OPCML: variants seen among roughly 807,000 people sequenced by gnomAD.
OPCML encodes the protein opioid-binding protein/cell adhesion molecule.
OPCML carries 13 observed loss-of-function variants against 37.8 expected under a neutral mutation model. The ratio of observed to expected loss-of-function variants is 0.34; its 90% CI spans 0.22 to 0.55. The LOEUF (loss-of-function observed/expected upper bound fraction) is 0.55, where lower values mean the gene tolerates loss of function less well. Among genes scored for constraint, OPCML ranks in the 20% least tolerant of loss-of-function variants. The pLI is 0.91. For synonymous variants in OPCML, 176 were observed against 168.8 expected (o/e 1.04, Z -0.33); for missense variants, 341 against 435.6 (o/e 0.78, Z 1.93).
At chr11:133,031,461 G>A (rs1205771623) in intron 1 of OPCML, among the ~76,000 whole-genome samples, 1 of 148,728 alleles carries the variant, frequency 6.7e-6, no homozygotes, top group African/African-American at 2.5e-5. Context: ...ATGGATGGAT[G>A]GTTGGTTGGA....
chr11:133,072,513 A>G (rs1948554577), intron 1 of OPCML, among the ~76,000 whole-genome samples: 1 of 152,230 alleles, frequency 6.6e-6, no homozygotes, highest in Non-Finnish European at 1.5e-5. Flanking sequence ...GTGGGATAAC[A>G]CCCAAAGGGA....
rs1267921155 is a variant in OPCML at position 132,688,904 on chromosome 11, T to C, written c.147-31585A>G. Among the ~76,000 whole-genome samples the C allele has an allele frequency of 1.0e-4, 3 of 29,570 alleles. 1 individual carries two copies. The highest frequency in any genetic ancestry group is 1.9e-4 in the Non-Finnish European group (3 of 16,154). 19.4% of individuals were successfully genotyped at this position (29,570 alleles called of 152,430 possible). A position where few individuals can be genotyped will look rare whatever the true frequency, so the allele number is the denominator to read the frequency against. On this transcript the variant is annotated intron_variant, in intron 2 of 7. Transcript: ENST00000524381. ...AGCGGAGCTTGCAGTGAGCCGAGAT[T>C]GCGCCACTGCAGTCCGCAGTCCGGC...
At chr11:133,391,543 T>A (rs944271680) in intron 1 of OPCML, among the ~76,000 whole-genome samples, 1 of 152,148 alleles carries the variant, frequency 6.6e-6, no homozygotes, top group Non-Finnish European at 1.5e-5. Flanking sequence ...TTAGCTCTCA[T>A]CCGCTGAGCG....
intron 1 of OPCML, among the ~76,000 whole-genome samples, chr11:132,995,811 A>G (rs1262377843): frequency 3.3e-5 from 5 of 152,162 alleles, no homozygotes; most frequent in Admixed American, 6.5e-5. Context: ...AACCCCAGAG[A>G]AAGTATCAGC....
chr11:132,462,048 T>C (rs947109722), intron 4 of OPCML, among the ~76,000 whole-genome samples: 2 of 152,208 alleles, frequency 1.3e-5, no homozygotes, highest in African/African-American at 4.8e-5. Flanking sequence ...GGTGACAATG[T>C]ACTACTTGCA....
chr11:133,165,695 C>T (rs879313927), intron 1 of OPCML, among the ~76,000 whole-genome samples: 1 of 152,154 alleles, frequency 6.6e-6, no homozygotes, highest in Non-Finnish European at 1.5e-5. Context: ...TGTTTTGTCA[C>T]ACAGCATCAA....
At chr11:133,453,632 C>T (rs1009135457) in intron 1 of OPCML, among the ~76,000 whole-genome samples, 2 of 152,164 alleles carry the variant, frequency 1.3e-5, no homozygotes, top group Admixed American at 6.5e-5. Flanking sequence ...GTGGCTGGTG[C>T]TCAGTGCACC....
At chr11:133,338,862 C>T (rs1943800506) in intron 1 of OPCML, among the ~76,000 whole-genome samples, 1 of 152,184 alleles carries the variant, frequency 6.6e-6, no homozygotes, top group Non-Finnish European at 1.5e-5. Flanking sequence ...AGACTTAAAG[C>T]TGGGAAGAGA....
intron 1 of OPCML, among the ~76,000 whole-genome samples, chr11:133,284,454 C>G (rs184833906): frequency 8.6e-5 from 13 of 151,958 alleles, no homozygotes; most frequent in Non-Finnish European, 1.8e-4. Context: ...ACATACAAAA[C>G]AATCAACAAC....
intron 1 of OPCML, among the ~76,000 whole-genome samples, chr11:133,033,992 C>T (rs1242486589): frequency 6.6e-6 from 1 of 152,192 alleles, no homozygotes; most frequent in Non-Finnish European, 1.5e-5. Flanking sequence ...TCTTAACTGA[C>T]ACCCTTTATT....
intron 1 of OPCML, among the ~76,000 whole-genome samples, chr11:133,526,527 A>G (rs1333872537): frequency 6.6e-6 from 1 of 152,184 alleles, no homozygotes; most frequent in Non-Finnish European, 1.5e-5. Flanking sequence ...AGGCAGTAGC[A>G]AGCACATTCA....
At chr11:132,928,491 T>C (rs1037091935) in intron 2 of OPCML, among the ~76,000 whole-genome samples, 7 of 151,926 alleles carry the variant, frequency 4.6e-5, no homozygotes, top group African/African-American at 9.7e-5. Flanking sequence ...TTTGACAGAA[T>C]TGAATAGAGA....
At chr11:133,086,312 AATGTG>A (rs1443248256) in intron 1 of OPCML, among the ~76,000 whole-genome samples, 4 of 152,192 alleles carry the variant, frequency 2.6e-5, no homozygotes, top group Non-Finnish European at 5.9e-5. Context: ...CCTAACATAA[AATGTG>A]ATGTGATTTT....
chr11:133,278,221 G>A (rs1199864107), intron 1 of OPCML, among the ~76,000 whole-genome samples: 1 of 152,114 alleles, frequency 6.6e-6, no homozygotes. Context: ...GTGACACCAT[G>A]AGTACTGATT....
chr11:132,670,957 C>T (rs1049143970), intron 2 of OPCML, among the ~76,000 whole-genome samples: 1 of 152,170 alleles, frequency 6.6e-6, no homozygotes, highest in African/African-American at 2.4e-5. Context: ...AACCCATAGA[C>T]TGTGCTGCCT....
At chr11:132,703,874 C>A (rs1565789672) in intron 2 of OPCML, among the ~76,000 whole-genome samples, 1 of 152,182 alleles carries the variant, frequency 6.6e-6, no homozygotes, top group African/African-American at 2.4e-5. Flanking sequence ...GGTGCTGAGG[C>A]AGGCCTGGCA....
intron 3 of OPCML, among the ~76,000 whole-genome samples, chr11:132,583,611 T>TTTTA (rs994999629): frequency 8.6e-5 from 13 of 151,940 alleles, no homozygotes; most frequent in African/African-American, 2.4e-4. Context: ...TAGGCTGATT[T>TTTTA]TTTATTTATT....
At chr11:132,551,024 C>T (rs2096380349) in intron 3 of OPCML, among the ~76,000 whole-genome samples, 1 of 152,174 alleles carries the variant, frequency 6.6e-6, no homozygotes, top group Non-Finnish European at 1.5e-5. Context: ...ACTGAATTTC[C>T]ATGTTTATTT....
At chr11:133,078,628 C>A (rs1479889350) in intron 1 of OPCML, among the ~76,000 whole-genome samples, 1 of 152,170 alleles carries the variant, frequency 6.6e-6, no homozygotes, top group Admixed American at 6.5e-5. Context: ...CCTCATCCCT[C>A]CAGTGAGGAG....
Sources: allele counts gnomAD v4.1 joint callset (sites outside exome capture counted in the v4.1 genomes callset), GRCh38; gene constraint gnomAD v4.1.1; transcripts MANE v1.5; gene names NCBI Gene and HGNC (gene_info 2026-07-23, HGNC 2026-07-21).